LRRC4C: variants seen among roughly 807,000 people sequenced by gnomAD.
LRRC4C encodes leucine rich repeat containing 4C, also known as leucine-rich repeat-containing protein 4C.
LRRC4C carries 5 observed loss-of-function variants against 33.6 expected under a neutral mutation model. The observed-to-expected ratio is 0.15, with a 90% CI of 0.08 to 0.31. The LOEUF (loss-of-function observed/expected upper bound fraction) is 0.31, where lower values mean the gene tolerates loss of function less well. LRRC4C is among the 10% of genes least tolerant of loss of function. LRRC4C has a pLI of 1.00. For missense variants in LRRC4C, 560 were observed against 796.7 expected (o/e 0.70, Z 3.58); for synonymous variants, 329 against 302.0 (o/e 1.09, Z -0.93).
intron 1 of LRRC4C, among the ~76,000 whole-genome samples, chr11:41,261,700 T>G (rs953385011): frequency 6.6e-6 from 1 of 152,160 alleles, no homozygotes; most frequent in Non-Finnish European, 1.5e-5. Context: ...GCAGAGAGAT[T>G]AGACATCTTG....
intron 1 of LRRC4C, among the ~76,000 whole-genome samples, chr11:41,028,162 AT>A (rs200510926): frequency 0.02 from 3,009 of 150,786 alleles, 38 homozygotes; most frequent in Middle Eastern, 0.027. Flanking sequence ...AGGATCATCC[AT>A]TTTTTTTTAA....
chr11:40,209,381 A>T (rs774599952), intron 5 of LRRC4C, among the ~76,000 whole-genome samples: 3 of 152,224 alleles, frequency 2.0e-5, no homozygotes, highest in Non-Finnish European at 4.4e-5. Flanking sequence ...GAAAATACAC[A>T]CATTTTACTT....
chr11:41,209,660 T>A (rs1377486056), intron 1 of LRRC4C, among the ~76,000 whole-genome samples: 1 of 144,102 alleles, frequency 6.9e-6, no homozygotes, highest in Non-Finnish European at 1.5e-5. Context: ...AAAAAAAAAA[T>A]TAAAGAGAAA....
At chr11:41,396,064 C>T (rs554506211) in intron 1 of LRRC4C, among the ~76,000 whole-genome samples, 9 of 151,950 alleles carry the variant, frequency 5.9e-5, no homozygotes, top group East Asian at 3.9e-4. Context: ...TTCGGCTCAA[C>T]GGCTATTGTT....
chr11:40,356,497 A>T (rs1180981100), intron 3 of LRRC4C, among the ~76,000 whole-genome samples: 1 of 152,180 alleles, frequency 6.6e-6, no homozygotes, highest in African/African-American at 2.4e-5. Context: ...AGGAACTTCA[A>T]TGTCTGGCCG....
chr11:41,307,654 G>A (rs1238556852), intron 1 of LRRC4C, among the ~76,000 whole-genome samples: 2 of 152,142 alleles, frequency 1.3e-5, no homozygotes, highest in Admixed American at 6.5e-5. Flanking sequence ...CTTTGTGCAT[G>A]GCCTCTGTGT....
intron 3 of LRRC4C, chr11:40,446,819 A>G (rs1337227860): frequency 2.0e-5 from 3 of 152,096 alleles, no homozygotes; most frequent in African/African-American, 2.4e-5. Context: ...CTCACTTACT[A>G]TCACAAGAAC....
intron 3 of LRRC4C, among the ~76,000 whole-genome samples, chr11:40,463,484 G>A (rs1337307512): frequency 6.6e-6 from 1 of 151,930 alleles, no homozygotes; most frequent in African/African-American, 2.4e-5. Flanking sequence ...AAAATTGGTA[G>A]ATAAGACAGA....
intron 3 of LRRC4C, among the ~76,000 whole-genome samples, chr11:40,583,102 C>T (rs61888375): frequency 0.053 from 8,051 of 152,218 alleles, 301 homozygotes; most frequent in Admixed American, 0.093. Context: ...ACCAACCTCT[C>T]TTCATTCTCT....
intron 5 of LRRC4C, among the ~76,000 whole-genome samples, chr11:40,173,659 T>C (rs979138916): frequency 6.6e-6 from 1 of 152,204 alleles, no homozygotes; most frequent in African/African-American, 2.4e-5. Flanking sequence ...CAGTGGATCT[T>C]ACTTAGTGCC....
intron 5 of LRRC4C, among the ~76,000 whole-genome samples, chr11:40,200,180 T>TAAAAAAAAAAAA (rs56269292): frequency 3.8e-5 from 1 of 26,046 alleles, no homozygotes; most frequent in Non-Finnish European, 7.0e-5. Flanking sequence ...CTGTCTCCAC[T>TAAAAAAAAAAAA]AAAAAAAAAA....
intron 3 of LRRC4C, among the ~76,000 whole-genome samples, chr11:40,469,957 T>C (rs1457468324): frequency 6.6e-6 from 1 of 152,178 alleles, no homozygotes; most frequent in Non-Finnish European, 1.5e-5. Flanking sequence ...GGGAGCAGTT[T>C]CAGCAGACTT....
At chr11:40,895,137 A>G (rs1053188446) in intron 2 of LRRC4C, among the ~76,000 whole-genome samples, 7 of 152,146 alleles carry the variant, frequency 4.6e-5, no homozygotes, top group Admixed American at 3.9e-4. Context: ...GGAAAAAAAA[A>G]TGTACTGAAA....
chr11:41,290,906 A>C (rs1276583232), intron 1 of LRRC4C, among the ~76,000 whole-genome samples: 1 of 152,162 alleles, frequency 6.6e-6, no homozygotes, highest in East Asian at 1.9e-4. Context: ...CCAAGAAACA[A>C]ATTATTTCTG....
At chr11:41,139,708 A>G (rs1943419384) in intron 1 of LRRC4C, among the ~76,000 whole-genome samples, 1 of 151,968 alleles carries the variant, frequency 6.6e-6, no homozygotes, top group African/African-American at 2.4e-5. Context: ...ATACTTTTCA[A>G]TTTTTTTTTA....
chr11:40,864,271 A>C (rs187789424), intron 2 of LRRC4C, among the ~76,000 whole-genome samples: 22 of 151,962 alleles, frequency 1.4e-4, no homozygotes, highest in African/African-American at 5.1e-4. Context: ...GTTTCACTAT[A>C]TTGGCCAGGC....
At chr11:40,597,282 A>G (rs542010136) in intron 3 of LRRC4C, among the ~76,000 whole-genome samples, 1 of 152,258 alleles carries the variant, frequency 6.6e-6, no homozygotes, top group South Asian at 2.1e-4. Flanking sequence ...TAAGCTATAG[A>G]CAATAGACAA....
chr11:41,170,144 A>C (rs764782234), intron 1 of LRRC4C, among the ~76,000 whole-genome samples: 4 of 152,140 alleles, frequency 2.6e-5, no homozygotes, highest in African/African-American at 7.2e-5. Context: ...TTATTTTCCA[A>C]AACTATCAAG....
At chr11:40,860,777 CTTTTTTTTTTTTTTTTTTTTT>C (rs60307580) in intron 2 of LRRC4C, among the ~76,000 whole-genome samples, 9 of 43,226 alleles carry the variant, frequency 2.1e-4, no homozygotes, top group African/African-American at 5.4e-4. Flanking sequence ...GGCTTAGGAT[CTTTTTTTTTTTTTTTTTTTTT>C]TTTTTTTTTT....
Sources: allele counts gnomAD v4.1 joint callset (sites outside exome capture counted in the v4.1 genomes callset), GRCh38; gene constraint gnomAD v4.1.1; transcripts MANE v1.5; gene names NCBI Gene and HGNC (gene_info 2026-07-23, HGNC 2026-07-21).